DST: variants seen among roughly 807,000 people sequenced by gnomAD.
DST encodes bullous pemphigoid antigen.
Under a neutral mutation model 875.2 loss-of-function variants are expected in DST, and 253 were observed. The ratio of observed to expected loss-of-function variants is 0.29; its 90% CI spans 0.26 to 0.32. The LOEUF is 0.32. Among genes scored for constraint, DST ranks in the 10% least tolerant of loss-of-function variants. DST has a pLI of 1.00. For synonymous variants in DST, 3,124 were observed against 3,197.1 expected (o/e 0.98, Z 0.77); for missense variants, 8,287 against 9,111.6 (o/e 0.91, Z 3.68).
rs920107875 is a variant in DST at position 56,616,062 on chromosome 6, T to C, written c.4930-1578A>G. 5 of 1,614,056 alleles carry C rather than the reference T, an allele frequency of 3.1e-6. No homozygotes were observed. The African/African-American group carries it at 6.7e-5, about 22-fold the overall frequency. Reference sequence around the variant, plus strand: ...AGGGCAGTAATCCGATCAACCAAATTTCTACGGGAGGCTTTTAGTACAGAG... The same window carrying C: ...AGGGCAGTAATCCGATCAACCAAATCTCTACGGGAGGCTTTTAGTACAGAG... On this transcript the variant is annotated intron_variant, in intron 36 of 103. Transcript: ENST00000680361.
intron 10 of DST, among the ~76,000 whole-genome samples, chr6:56,656,578 T>C (rs910601010): frequency 5.3e-5 from 8 of 152,210 alleles, no homozygotes; most frequent in African/African-American, 1.9e-4. Flanking sequence ...AATTTACAGA[T>C]GGAAAAACAC....
rs371944799 is a variant in DST, at chr6:56,606,675, C to T, written c.7953G>A (p.Thr2651=). 1.1e-4 allele frequency: 175 copies of T among 1,613,532 alleles called. No homozygotes were observed. Among genetic ancestry groups the T allele is most frequent in the Middle Eastern group, 9.9e-4 (6 of 6,062 alleles). The change falls in exon 40 of 104, where the codon ACG becomes ACA. Residue 2651 remains threonine, a synonymous_variant. Transcript: ENST00000680361. ...YDTLQEENDE[T]ASPADVFYDV... ...CATAAAAAACATCAGCAGGAGAAGC[C>T]GTCTCATCATTTTCCTCTTGCAGTG...
intron 13 of DST, among the ~76,000 whole-genome samples, chr6:56,647,983 G>A (rs1563443571): frequency 6.6e-6 from 1 of 152,048 alleles, no homozygotes; most frequent in African/African-American, 2.4e-5. Flanking sequence ...ACCGCACCCG[G>A]CCTATAATGG....
intron 5 of DST, among the ~76,000 whole-genome samples, chr6:56,720,999 G>T (rs62412544): frequency 0.23 from 35,277 of 150,796 alleles, 5,268 homozygotes; most frequent in African/African-American, 0.42. Flanking sequence ...CCTTCCAGAC[G>T]GGGCGGCTGC....
intron 2 of DST, among the ~76,000 whole-genome samples, chr6:56,916,778 T>TA (rs1554257429): frequency 1.1e-5 from 1 of 91,356 alleles, no homozygotes; most frequent in South Asian, 4.8e-4. Flanking sequence ...TCTCTCTCTC[T>TA]CACACACACA....
intron 95 of DST, 141 bp from the exon 96 acceptor site, chr6:56,470,423 T>C (rs376895530): frequency 5.5e-5 from 32 of 579,108 alleles, no homozygotes; most frequent in African/African-American, 4.8e-4. Flanking sequence ...AAAACTGATT[T>C]ACATCACAGC....
intron 49 of DST, among the ~76,000 whole-genome samples, chr6:56,589,697 G>T (rs150366333): frequency 6.4e-4 from 98 of 152,270 alleles, no homozygotes; most frequent in African/African-American, 2.1e-3. Flanking sequence ...ACCTCTTATG[G>T]GGCTAAAATC....
intron 5 of DST, among the ~76,000 whole-genome samples, chr6:56,722,455 C>G (rs2152914235): frequency 6.6e-6 from 1 of 152,284 alleles, no homozygotes; most frequent in African/African-American, 2.4e-5. Flanking sequence ...GCAATCTCGG[C>G]TCACTGCAAC....
At chr6:56,706,246 G>A (rs1275644756) in intron 5 of DST, among the ~76,000 whole-genome samples, 22 of 151,906 alleles carry the variant, frequency 1.4e-4, no homozygotes, top group Middle Eastern at 3.2e-3. Context: ...CTCAGGAGGC[G>A]GAGGTTGCAG....
chr6:56,726,722 A>G (rs575515335), intron 5 of DST, among the ~76,000 whole-genome samples: 1 of 152,326 alleles, frequency 6.6e-6, no homozygotes, highest in South Asian at 2.1e-4. Flanking sequence ...ACTAACGTTT[A>G]TCTCACTCCT....
intron 31 of DST, 69 bp from the exon 32 acceptor site, chr6:56,629,512 T>A: frequency 8.7e-7 from 1 of 1,150,116 alleles, no homozygotes; most frequent in Non-Finnish European, 1.3e-6. Flanking sequence ...ATTATTTACC[T>A]AATTTTACAA....
chr6:56,799,257 G>C (rs927851568), intron 4 of DST, among the ~76,000 whole-genome samples: 2 of 152,030 alleles, frequency 1.3e-5, no homozygotes, highest in Non-Finnish European at 2.9e-5. Flanking sequence ...CAAGAGGCTG[G>C]GGCAGAAGGA....
chr6:56,930,762 T>C (rs1274353374), intron 2 of DST, among the ~76,000 whole-genome samples: 1 of 152,178 alleles, frequency 6.6e-6, no homozygotes, highest in Non-Finnish European at 1.5e-5. Context: ...AAGAAAGATA[T>C]GAAAAAGCAA....
chr6:56,640,491 A>G lies in DST; in HGVS notation c.2142T>C (p.Thr714=). 1 of 1,614,112 alleles carries G rather than the reference A, an allele frequency of 6.2e-7. No individual in the cohort carries two copies. ...EQTKLMISGI[T]QSLNSGFAQT... ...GTGCAAATCCTGAGTTTAAACTTTG[A>G]GTGATTCCTGATATCATGAGCTTTG... Residue 714 remains threonine, a synonymous_variant, in exon 18 of 104, where the codon ACT becomes ACC. Coordinates refer to ENST00000680361, the MANE Select transcript of DST (RefSeq NM_001374736.1).
intron 80 of DST, among the ~76,000 whole-genome samples, chr6:56,498,920 T>G (rs1490486574): frequency 5.3e-5 from 8 of 152,104 alleles, no homozygotes; most frequent in Non-Finnish European, 1.2e-4. Context: ...ACCCAGCAAA[T>G]AATGCCTTCC....
chr6:56,728,420 T>C (rs2099478528), intron 5 of DST, among the ~76,000 whole-genome samples: 1 of 152,166 alleles, frequency 6.6e-6, no homozygotes, highest in African/African-American at 2.4e-5. Flanking sequence ...TTAAAGCAGG[T>C]TGGCAGGACA....
chr6:56,511,301 T>G lies in DST; in HGVS notation c.18676A>C (p.Ile6226Leu), dbSNP rs201848228. The change falls in exon 73 of 104, where the codon ATC becomes CTC. Residue 6226 changes from isoleucine (I) to leucine (L), a missense_variant. Transcript: ENST00000680361. Reference sequence around the variant, plus strand: ...TCGGCTGCCACATACTTCTCTTGGATAGAAAAGCCTTCCCCAGGGCTCAAT... The same window carrying G: ...TCGGCTGCCACATACTTCTCTTGGAGAGAAAAGCCTTCCCCAGGGCTCAAT... ...LELSPGEGFS[I>L]QEKYVAADTL... 3 of 1,605,654 alleles carry G rather than the reference T, an allele frequency of 1.9e-6. No homozygotes were observed. The highest frequency in any genetic ancestry group is 1.6e-4 in the Middle Eastern group (1 of 6,080).
At chr6:56,762,081 T>G (rs924682033) in intron 4 of DST, among the ~76,000 whole-genome samples, 1 of 151,894 alleles carries the variant, frequency 6.6e-6, no homozygotes, top group African/African-American at 2.4e-5. Context: ...AGTGCAATGG[T>G]GAAATCTCAA....
chr6:56,920,923 T>TTTTTTTTTTC (rs59362783), intron 2 of DST, among the ~76,000 whole-genome samples: 2 of 141,326 alleles, frequency 1.4e-5, no homozygotes, highest in Non-Finnish European at 3.1e-5. Flanking sequence ...TTTTTTTTTT[T>TTTTTTTTTTC]CACAGAGACA....
Sources: gnomAD v4.1 joint callset for allele counts (sites outside exome capture counted in the v4.1 genomes callset) on GRCh38, gnomAD v4.1.1 for gene constraint, MANE v1.5 for transcripts, NCBI Gene and HGNC (gene_info 2026-07-23, HGNC 2026-07-21) for gene names.